The following WDFY4 variants were observed in gnomAD, a reference collection of about 807,000 sequenced individuals.
WDFY4 encodes the protein WDFY family member 4.
WDFY4 carries 169 observed loss-of-function variants against 351.9 expected under a neutral mutation model. The observed-to-expected ratio is 0.48, with a 90% CI of 0.42 to 0.55. The LOEUF is 0.55. WDFY4 is among the 20% of genes least tolerant of loss of function. The pLI, the probability that WDFY4 is intolerant of heterozygous loss-of-function variation, is 0.00. For synonymous variants in WDFY4, 1,622 were observed against 1,574.6 expected (o/e 1.03, Z -0.71); for missense variants, 3,803 against 3,935.6 (o/e 0.97, Z 0.90).
chr10:48,893,144 G>C (rs1836898260), intron 44 of WDFY4, among the ~76,000 whole-genome samples: 3 of 152,188 alleles, frequency 2.0e-5, no homozygotes, highest in African/African-American at 7.2e-5. Flanking sequence ...GCATCCCTTG[G>C]CTTTGAGATG....
chr10:48,936,641 T>C (rs1187421737), intron 47 of WDFY4, among the ~76,000 whole-genome samples: 1 of 151,812 alleles, frequency 6.6e-6, no homozygotes, highest in Non-Finnish European at 1.5e-5. Context: ...ATCGAGACCA[T>C]CCCGGCTAAC....
At chr10:48,807,576 C>A (rs1384216807) in intron 27 of WDFY4, among the ~76,000 whole-genome samples, 1 of 152,116 alleles carries the variant, frequency 6.6e-6, no homozygotes, top group Non-Finnish European at 1.5e-5. Flanking sequence ...TTAAAAAATT[C>A]TTCTACTGAA....
intron 13 of WDFY4, among the ~76,000 whole-genome samples, chr10:48,764,294 G>A (rs556743258): frequency 2.0e-5 from 3 of 152,268 alleles, no homozygotes; most frequent in South Asian, 2.1e-4. Flanking sequence ...CAAAATGCTA[G>A]CTCTACGAGC....
At chr10:48,904,267 C>A (rs1343189025) in intron 47 of WDFY4, among the ~76,000 whole-genome samples, 2 of 152,162 alleles carry the variant, frequency 1.3e-5, no homozygotes, top group African/African-American at 4.8e-5. Flanking sequence ...GGCTGTTTAC[C>A]AACTGTAATG....
intron 12 of WDFY4, among the ~76,000 whole-genome samples, chr10:48,758,563 C>G (rs1463369381): frequency 3.3e-5 from 5 of 152,114 alleles, no homozygotes. Context: ...ATGTTAGATC[C>G]TTTGTTACAC....
intron 35 of WDFY4, among the ~76,000 whole-genome samples, chr10:48,826,007 A>G (rs878993245): frequency 6.6e-6 from 1 of 152,096 alleles, no homozygotes; most frequent in South Asian, 2.1e-4. Flanking sequence ...TGCTTTTGAC[A>G]TTTTCGTCAT....
intron 40 of WDFY4, among the ~76,000 whole-genome samples, chr10:48,870,117 C>T (rs2069708477): frequency 6.6e-6 from 1 of 152,180 alleles, no homozygotes; most frequent in Non-Finnish European, 1.5e-5. Flanking sequence ...ATTATAGAGA[C>T]TTGGGTGAAG....
intron 23 of WDFY4, among the ~76,000 whole-genome samples, chr10:48,792,481 G>A (rs1315927033): frequency 6.6e-6 from 1 of 152,214 alleles, no homozygotes; most frequent in Non-Finnish European, 1.5e-5. Flanking sequence ...AAATGGGTAT[G>A]TCTGAGTTTA....
chr10:48,977,068 AGGT>A (rs1842600283), intron 59 of WDFY4, 89 bp downstream of exon 59: 6 of 1,288,450 alleles, frequency 4.7e-6, no homozygotes, highest in South Asian at 5.1e-5. Flanking sequence ...CCAAACCTGC[AGGT>A]TGCATTTGAG....
chr10:48,739,214 T>C (rs138236384), intron 11 of WDFY4, among the ~76,000 whole-genome samples: 17 of 152,374 alleles, frequency 1.1e-4, no homozygotes, highest in African/African-American at 3.6e-4. Flanking sequence ...AAATAAATCC[T>C]GTTAGTCCTA....
At chr10:48,690,113 C>T (rs2063155405) in intron 1 of WDFY4, among the ~76,000 whole-genome samples, 1 of 152,220 alleles carries the variant, frequency 6.6e-6, no homozygotes, top group Admixed American at 6.5e-5. Flanking sequence ...ATTAATTCTT[C>T]TTTTGAGAAT....
chr10:48,810,232 T>C (rs2132912584), intron 28 of WDFY4, among the ~76,000 whole-genome samples: 1 of 152,310 alleles, frequency 6.6e-6, no homozygotes, highest in Admixed American at 6.5e-5. Flanking sequence ...TGAATAGTAG[T>C]TATATAGGGC....
At position 48,735,620 on chromosome 10, in the gene WDFY4, A is replaced by AT. The variant is rs144929823; in HGVS notation, c.1688-250dup. ...TATCTCCTATGGGGAGATGTTAGTC[A>AT]TTTTTTTTTTCAAAAATAAGATTCT... is the stretch of plus-strand genomic sequence containing the variant. On this transcript the variant is annotated intron_variant, in intron 10 of 61. Transcript: ENST00000325239. Among the ~76,000 whole-genome samples the AT allele has an allele frequency of 2.9e-4, 44 of 149,504 alleles. 1 individual carries two copies. Among genetic ancestry groups the AT allele is most frequent in the East Asian group, 9.8e-4 (5 of 5,122 alleles).
intron 39 of WDFY4, among the ~76,000 whole-genome samples, chr10:48,838,926 C>G (rs2068501850): frequency 6.6e-6 from 1 of 152,212 alleles, no homozygotes; most frequent in South Asian, 2.1e-4. Flanking sequence ...TTGTGTTTGT[C>G]TCCTGCTGAT....
At chr10:48,887,245 C>T (rs187854326) in intron 43 of WDFY4, among the ~76,000 whole-genome samples, 137 of 152,280 alleles carry the variant, frequency 9.0e-4, no homozygotes, top group African/African-American at 3.2e-3. Flanking sequence ...TTTGGAGGCA[C>T]ATAGGCCAGG....
rs187991725 is a variant in WDFY4, at chr10:48,946,269, T to A, written c.7867+112T>A. On this transcript the variant is annotated intron_variant, in intron 50 of 61. Transcript: ENST00000325239. Reference sequence around the variant, plus strand: ...TAGCCTACAAGTAATTGCATTTGAATAGAGGACTCTAACCTGGTGGTAGGA... The same window carrying A: ...TAGCCTACAAGTAATTGCATTTGAAAAGAGGACTCTAACCTGGTGGTAGGA... 4.4e-4 allele frequency: 369 copies of A among 831,334 alleles called. 1 individual carries two copies. The African/African-American group carries it at 5.8e-3, about 13-fold the overall frequency. The allele number at this position is 831,334 out of a possible 1,614,324, so 51.5% of individuals were successfully genotyped here.
At chr10:48,807,758 T>C (rs998634322) in intron 27 of WDFY4, 101 bp from the exon 28 acceptor site, 7 of 1,345,940 alleles carry the variant, frequency 5.2e-6, no homozygotes, top group Non-Finnish European at 7.2e-6. Context: ...ATGCCACAAT[T>C]CCTGGGTGAA....
rs370417863 is a variant in WDFY4, at chr10:48,700,618, G to A, written c.-17-9098G>A. Among the ~76,000 whole-genome samples the A allele has an allele frequency of 3.6e-4, 55 of 152,330 alleles. 1 individual carries two copies. The highest frequency in any genetic ancestry group is 1.0e-3 in the African/African-American group (43 of 41,588). ...TCTCACTCCTGAGAACACCAGCTGC[G>A]TGAGCACGCCCAGGGATGCTGCGCA... is the stretch of plus-strand genomic sequence containing the variant. On this transcript the variant is annotated intron_variant, in intron 1 of 61. Coordinates refer to ENST00000325239, the MANE Select transcript of WDFY4 (RefSeq NM_001394531.1).
chr10:48,711,986 T>A (rs10776638), intron 2 of WDFY4, among the ~76,000 whole-genome samples: 40,391 of 152,156 alleles, frequency 0.27, 6,166 homozygotes, highest in East Asian at 0.65. Context: ...ATGAATGTTA[T>A]GTCACCGTAC....
Sources: allele counts gnomAD v4.1 joint callset (sites outside exome capture counted in the v4.1 genomes callset), GRCh38; gene constraint gnomAD v4.1.1; transcripts MANE v1.5; gene names NCBI Gene and HGNC (gene_info 2026-07-23, HGNC 2026-07-21).